The following REV3L variants were observed in gnomAD, a reference collection of about 807,000 sequenced individuals.
REV3L encodes the protein DNA polymerase zeta catalytic subunit.
Under a neutral mutation model 299.4 loss-of-function variants are expected in REV3L, and 69 were observed. The ratio of observed to expected loss-of-function variants is 0.23; its 90% CI spans 0.19 to 0.28. The LOEUF (loss-of-function observed/expected upper bound fraction) is 0.28, where lower values mean the gene tolerates loss of function less well. Among genes scored for constraint, REV3L ranks in the 10% least tolerant of loss-of-function variants. REV3L has a pLI of 1.00. For missense variants in REV3L, 3,128 were observed against 3,693.8 expected, an observed-to-expected ratio of 0.85 and a Z score of 3.97; for synonymous variants, 1,238 against 1,271.4, an observed-to-expected ratio of 0.97 and a Z score of 0.56.
intron 24 of REV3L, chr6:111,331,073 G>T: frequency 2.1e-6 from 2 of 945,852 alleles, no homozygotes; most frequent in Non-Finnish European, 2.5e-6. Flanking sequence ...AAATAGAAAA[G>T]AAAGGAATAA....
intron 9 of REV3L, among the ~76,000 whole-genome samples, 190 bp from the exon 10 acceptor site, chr6:111,381,634 A>C (rs1022580393): frequency 1.3e-5 from 2 of 152,238 alleles, no homozygotes; most frequent in Non-Finnish European, 2.9e-5. Context: ...TGGATTTATC[A>C]AAACAAACAC....
intron 5 of REV3L, among the ~76,000 whole-genome samples, chr6:111,391,026 A>C (rs1283779110): frequency 6.6e-6 from 1 of 151,730 alleles, no homozygotes; most frequent in Non-Finnish European, 1.5e-5. Flanking sequence ...AAAGTGGTTG[A>C]TGACATATTT....
At chr6:111,322,814 A>C in intron 25 of REV3L, 136 bp from the exon 26 acceptor site, 1 of 653,994 alleles carries the variant, frequency 1.5e-6, no homozygotes, top group Non-Finnish European at 2.6e-6. Context: ...AGAAATCAAA[A>C]TAGCCATCAG....
rs142957765 is a variant in REV3L, at chr6:111,414,460, G to A, written c.329+1823C>T. On this transcript the variant is annotated intron_variant, in intron 2 of 31. Coordinates refer to ENST00000368802, the MANE Select transcript of REV3L (RefSeq NM_001372078.1). ...TAGGTTATGGCTAGAAGTTTAAATT[G>A]TATTCTATTAACAATATGAAGCCAC... 7.2e-5 allele frequency among the ~76,000 whole-genome samples: 11 copies of A among 152,194 alleles called. No individual in the cohort carries two copies. The East Asian group carries it at 2.1e-3, about 29-fold the overall frequency.
chr6:111,482,633 G>A, intron 1 of REV3L, 117 bp downstream of exon 1: 2 of 528,312 alleles, frequency 3.8e-6, no homozygotes, highest in Non-Finnish European at 5.0e-6. Flanking sequence ...GGGAAGACGC[G>A]GCAGCGATCC....
chr6:111,342,568 T>C (rs1776621357), intron 21 of REV3L, among the ~76,000 whole-genome samples: 1 of 151,580 alleles, frequency 6.6e-6, no homozygotes, highest in Non-Finnish European at 1.5e-5. Context: ...CTCGGGAGGC[T>C]GAGGCAGGAG....
chr6:111,308,276 T>C, intron 30 of REV3L: 1 of 454,110 alleles, frequency 2.2e-6, no homozygotes, highest in South Asian at 1.6e-5. Context: ...GTTAGCCTCT[T>C]ACAAATGTCA....
intron 1 of REV3L, among the ~76,000 whole-genome samples, chr6:111,448,215 A>G (rs1428119407): frequency 1.3e-5 from 2 of 152,228 alleles, no homozygotes; most frequent in African/African-American, 4.8e-5. Context: ...AACTGTGTGG[A>G]AACTGGTCTG....
chr6:111,461,951 A>G (rs780201835), intron 1 of REV3L, among the ~76,000 whole-genome samples: 22 of 152,188 alleles, frequency 1.4e-4, no homozygotes, highest in Non-Finnish European at 2.9e-4. Context: ...CACACTAAAT[A>G]AAAGAGACAT....
intron 9 of REV3L, among the ~76,000 whole-genome samples, chr6:111,385,223 T>C (rs185915070): frequency 6.6e-6 from 1 of 152,172 alleles, no homozygotes. Flanking sequence ...CAATAATCTA[T>C]TGTATATTAA....
At chr6:111,322,890 A>G (rs1253293160) in intron 25 of REV3L, among the ~76,000 whole-genome samples, 1 of 152,202 alleles carries the variant, frequency 6.6e-6, no homozygotes, top group African/African-American at 2.4e-5. Flanking sequence ...GAACCAATCA[A>G]TATACAAACT....
chr6:111,412,054 C>G, intron 2 of REV3L: 1 of 985,150 alleles, frequency 1.0e-6, no homozygotes, highest in Non-Finnish European at 1.2e-6. Flanking sequence ...ACTTACATTA[C>G]TTTCCTTATT....
chr6:111,473,469 T>C (rs1383396379), intron 1 of REV3L, among the ~76,000 whole-genome samples: 3 of 152,102 alleles, frequency 2.0e-5, no homozygotes, highest in Non-Finnish European at 4.4e-5. Context: ...TTTTTGGAAA[T>C]AGCATACATA....
At chr6:111,450,804 A>G (rs1789445783) in intron 1 of REV3L, among the ~76,000 whole-genome samples, 1 of 152,200 alleles carries the variant, frequency 6.6e-6, no homozygotes, top group Non-Finnish European at 1.5e-5. Flanking sequence ...TTCAGAAGAG[A>G]AAGCTGGGTT....
chr6:111,456,357 C>T (rs1790158285), intron 1 of REV3L, among the ~76,000 whole-genome samples: 1 of 152,162 alleles, frequency 6.6e-6, no homozygotes. Flanking sequence ...ATTTAACACA[C>T]TAAACAAGAA....
intron 21 of REV3L, among the ~76,000 whole-genome samples, chr6:111,343,588 G>T (rs1411019642): frequency 6.6e-6 from 1 of 152,180 alleles, no homozygotes; most frequent in Non-Finnish European, 1.5e-5. Context: ...GGAGTGCAGT[G>T]GCACGATCTC....
At chr6:111,481,802 C>CTT (rs1182817801) in intron 1 of REV3L, among the ~76,000 whole-genome samples, 1 of 152,214 alleles carries the variant, frequency 6.6e-6, no homozygotes, top group East Asian at 1.9e-4. Context: ...AACTGGGCCT[C>CTT]TATCTTTTTT....
chr6:111,472,227 C>T (rs1362915378), intron 1 of REV3L: 1 of 701,834 alleles, frequency 1.4e-6, no homozygotes, highest in East Asian at 8.6e-5. Context: ...TTTCACATAT[C>T]AACATGTATT....
chr6:111,398,738 CATG>C (rs1435322939), intron 4 of REV3L, among the ~76,000 whole-genome samples: 2 of 151,874 alleles, frequency 1.3e-5, no homozygotes, highest in African/African-American at 2.4e-5. Flanking sequence ...CCTGAGATAA[CATG>C]ATAAAATAAA....
Sources: gnomAD v4.1 joint callset for allele counts (sites outside exome capture counted in the v4.1 genomes callset) on GRCh38, gnomAD v4.1.1 for gene constraint, MANE v1.5 for transcripts, NCBI Gene and HGNC (gene_info 2026-07-23, HGNC 2026-07-21) for gene names.